AGMO: variants seen among roughly 807,000 people sequenced by gnomAD.
AGMO encodes the protein glyceryl-ether monooxygenase.
AGMO carries 75 observed loss-of-function variants against 60.2 expected under a neutral mutation model. That is an observed-to-expected ratio of 1.25 (90% CI 1.03 to 1.51). The LOEUF (loss-of-function observed/expected upper bound fraction) is 1.51. Ranked by LOEUF, AGMO falls within the 40% of genes most tolerant of loss-of-function variation. AGMO has a pLI of 0.00. For synonymous variants in AGMO, 261 were observed against 177.1 expected, an observed-to-expected ratio of 1.47 and a Z score of -3.76; for missense variants, 763 against 525.5, an observed-to-expected ratio of 1.45 and a Z score of -4.42.
At chr7:15,459,599 T>TTGTTTGTGTGTGTGTGTGTGTG (rs1782087591) in intron 3 of AGMO, among the ~76,000 whole-genome samples, 1 of 142,140 alleles carries the variant, frequency 7.0e-6, no homozygotes, top group African/African-American at 2.6e-5. Flanking sequence ...GTATGTGCGT[T>TTGTTTGTGTGTGTGTGTGTGTG]TGTGTGTGTG....
At chr7:15,328,053 G>A (rs927603744) in intron 12 of AGMO, among the ~76,000 whole-genome samples, 1 of 151,986 alleles carries the variant, frequency 6.6e-6, no homozygotes, top group African/African-American at 2.4e-5. Flanking sequence ...TGGGATTGCA[G>A]GTATGAGACA....
chr7:15,237,026 G>A (rs1465114861), intron 12 of AGMO, among the ~76,000 whole-genome samples: 1 of 152,108 alleles, frequency 6.6e-6, no homozygotes, highest in Non-Finnish European at 1.5e-5. Flanking sequence ...CTTTATTATT[G>A]AGGCAAAGAA....
At chr7:15,484,545 T>C (rs533935434) in intron 3 of AGMO, among the ~76,000 whole-genome samples, 38 of 152,320 alleles carry the variant, frequency 2.5e-4, no homozygotes, top group African/African-American at 7.9e-4. Flanking sequence ...ATGGACACTT[T>C]TGTATATATG....
intron 12 of AGMO, among the ~76,000 whole-genome samples, chr7:15,317,964 A>ACACACACACACAC (rs1583400652): frequency 6.8e-6 from 1 of 147,860 alleles, no homozygotes; most frequent in Non-Finnish European, 1.5e-5. Flanking sequence ...CTATATATAT[A>ACACACACACACAC]TATACACACA....
chr7:15,451,083 C>A (rs1225449508), intron 3 of AGMO, among the ~76,000 whole-genome samples: 1 of 151,596 alleles, frequency 6.6e-6, no homozygotes, highest in Non-Finnish European at 1.5e-5. Context: ...AAAAAATTAG[C>A]AGAAGACATT....
chr7:15,198,240 A>AGAGAGAGAGAGAGAGAGG (rs1781180170), downstream of AGMO, among the ~76,000 whole-genome samples: 9 of 102,296 alleles, frequency 8.8e-5, no homozygotes, highest in Non-Finnish European at 1.7e-4. Flanking sequence ...AGAGAGAGAG[A>AGAGAGAGAGAGAGAGAGG]GAGAGAGAGA....
intron 12 of AGMO, among the ~76,000 whole-genome samples, chr7:15,311,800 T>C (rs930497350): frequency 6.6e-6 from 1 of 152,172 alleles, no homozygotes; most frequent in Admixed American, 6.5e-5. Flanking sequence ...ATCAGACATA[T>C]ATTCTAAAAT....
At chr7:15,400,953 A>C (rs570884708) in intron 5 of AGMO, among the ~76,000 whole-genome samples, 111 of 152,268 alleles carry the variant, frequency 7.3e-4, no homozygotes, top group African/African-American at 2.6e-3. Flanking sequence ...CTGCACTTAC[A>C]CATTAAGTTG....
chr7:15,184,392 A>G, the AGMO span, among the ~76,000 whole-genome samples: 12 of 75,512 alleles, frequency 1.6e-4, no homozygotes, highest in South Asian at 5.5e-4. Context: ...AGGAAAGAAG[A>G]GAGGGAGGAA....
Position 15,544,835 on chromosome 7 carries a change from T to C in AGMO, c.346A>G (p.Thr116Ala), listed in dbSNP as rs996558194. 13 of 1,610,500 alleles carry C rather than the reference T, an allele frequency of 8.1e-6. No individual in the cohort carries two copies. The highest frequency in any genetic ancestry group is 1.3e-5 in the African/African-American group (1 of 74,758). Reference sequence around the variant, plus strand: ...ACTCCTAAGAAGGCTGAATACCAAGTCCATGGAGAATCCCAAGGCAAATTG... The same window carrying C: ...ACTCCTAAGAAGGCTGAATACCAAGCCCATGGAGAATCCCAAGGCAAATTG... ...LFNLPWDSPW[T>A]WYSAFLGVDF... The change falls in exon 3 of 13, where the codon ACT becomes GCT. Residue 116 changes from threonine (T) to alanine (A), a missense_variant. Physicochemically the swap from Thr to Ala is moderately conservative, Grantham distance 58 (BLOSUM62 0). Coordinates refer to ENST00000342526, the MANE Select transcript of AGMO (RefSeq NM_001004320.2).
intron 3 of AGMO, 135 bp downstream of exon 3, chr7:15,544,637 T>A: frequency 2.7e-6 from 2 of 753,044 alleles, no homozygotes; most frequent in Non-Finnish European, 3.8e-6. Context: ...TAAACCTTCA[T>A]TATTAATTTT....
At chr7:15,369,214 CCCT>C (rs1187574801) in intron 10 of AGMO, among the ~76,000 whole-genome samples, 1 of 151,950 alleles carries the variant, frequency 6.6e-6, no homozygotes, top group Non-Finnish European at 1.5e-5. Flanking sequence ...TGAAATACTC[CCCT>C]AACTGGTCTT....
chr7:15,408,102 G>T (rs529571661), intron 5 of AGMO, among the ~76,000 whole-genome samples: 1 of 151,976 alleles, frequency 6.6e-6, no homozygotes, highest in South Asian at 2.1e-4. Context: ...TTATCACAGA[G>T]AGAACATGTG....
chr7:15,191,941 T>TCTCTCA, the AGMO span, among the ~76,000 whole-genome samples: 2 of 141,558 alleles, frequency 1.4e-5, no homozygotes, highest in Non-Finnish European at 3.0e-5. Flanking sequence ...TCGAATAAAA[T>TCTCTCA]CTCTCACTCT....
At chr7:15,449,217 C>G (rs903607825) in intron 3 of AGMO, among the ~76,000 whole-genome samples, 1 of 152,160 alleles carries the variant, frequency 6.6e-6, no homozygotes, top group Non-Finnish European at 1.5e-5. Flanking sequence ...GTTCAATATA[C>G]AGCTGAGACT....
intron 3 of AGMO, among the ~76,000 whole-genome samples, chr7:15,498,567 G>C (rs1360285514): frequency 6.6e-6 from 1 of 151,896 alleles, no homozygotes. Context: ...AGGTATTACG[G>C]CATCTCTCCA....
At chr7:15,271,268 A>C (rs1163504077) in intron 12 of AGMO, among the ~76,000 whole-genome samples, 2 of 152,146 alleles carry the variant, frequency 1.3e-5, no homozygotes, top group African/African-American at 4.8e-5. Flanking sequence ...CAGTATGGTC[A>C]TTTTAACGAT....
the AGMO span, among the ~76,000 whole-genome samples, chr7:15,168,356 G>C: frequency 6.6e-6 from 1 of 152,060 alleles, no homozygotes; most frequent in East Asian, 1.9e-4. Flanking sequence ...AAAAGGGCGG[G>C]GCTTTATAGC....
chr7:15,438,700 G>T (rs916510021), intron 3 of AGMO, among the ~76,000 whole-genome samples: 1 of 152,134 alleles, frequency 6.6e-6, no homozygotes, highest in African/African-American at 2.4e-5. Flanking sequence ...CCTAGGGTAC[G>T]CAAAGACACC....
Sources: gnomAD v4.1 joint callset for allele counts (sites outside exome capture counted in the v4.1 genomes callset) on GRCh38, gnomAD v4.1.1 for gene constraint, MANE v1.5 for transcripts, NCBI Gene and HGNC (gene_info 2026-07-23, HGNC 2026-07-21) for gene names.